Variants in COL23A1 observed in about 807,000 individuals in gnomAD.
The protein encoded by COL23A1 is collagen type XXIII alpha 1 chain.
In COL23A1, 97 loss-of-function variants were observed where a neutral mutation model predicts 99.3. The observed-to-expected ratio is 0.98, with a 90% CI of 0.83 to 1.16. COL23A1 has a LOEUF of 1.16. Among genes scored for constraint, COL23A1 ranks in the 50% most tolerant of loss-of-function variants. COL23A1 has a pLI of 0.00. For missense variants in COL23A1, 762 were observed against 757.4 expected, an observed-to-expected ratio of 1.01 and a Z score of -0.07; for synonymous variants, 320 against 308.2, an observed-to-expected ratio of 1.04 and a Z score of -0.40.
At chr5:178,380,990 G>A (rs933552887) in intron 2 of COL23A1, among the ~76,000 whole-genome samples, 70 of 152,318 alleles carry the variant, frequency 4.6e-4, no homozygotes, top group Non-Finnish European at 2.1e-4. Flanking sequence ...ATTCCGATCC[G>A]TGGCCAGTGC....
At chr5:178,520,399 TCTC>T (rs1759875400) in intron 2 of COL23A1, among the ~76,000 whole-genome samples, 1 of 152,050 alleles carries the variant, frequency 6.6e-6, no homozygotes, top group East Asian at 1.9e-4. Flanking sequence ...TCCTACATGT[TCTC>T]CTCATCACTG....
At chr5:178,499,876 A>G (rs1280844569) in intron 2 of COL23A1, among the ~76,000 whole-genome samples, 1 of 152,260 alleles carries the variant, frequency 6.6e-6, no homozygotes, top group Non-Finnish European at 1.5e-5. Context: ...GACAATAAAA[A>G]AGAACAAATT....
intron 2 of COL23A1, among the ~76,000 whole-genome samples, chr5:178,435,017 G>T (rs1766479689): frequency 6.6e-6 from 1 of 152,224 alleles, no homozygotes; most frequent in Admixed American, 6.5e-5. Flanking sequence ...TCGATTTCCA[G>T]CCAGCACCGG....
At chr5:178,271,192 C>G (rs760943949) in intron 5 of COL23A1, among the ~76,000 whole-genome samples, 9 of 152,208 alleles carry the variant, frequency 5.9e-5, no homozygotes, top group Admixed American at 2.6e-4. Context: ...TCGCCTAGCT[C>G]CCCTCCGTGT....
rs1463887030 is a variant in COL23A1 at position 178,575,992 on chromosome 5, T to A, written c.294+13912A>T. On this transcript the variant is annotated intron_variant, in intron 1 of 28. Coordinates refer to ENST00000390654, the MANE Select transcript of COL23A1 (RefSeq NM_173465.4). Reference sequence around the variant, plus strand: ...TAGTAGCGATGGATAAAAACCCAACTCAAATTGGCCTGGACAGTGATGTCG... The same window carrying A: ...TAGTAGCGATGGATAAAAACCCAACACAAATTGGCCTGGACAGTGATGTCG... Among the ~76,000 whole-genome samples, 5 of 152,144 alleles carry A rather than the reference T, an allele frequency of 3.3e-5. No individual in the cohort carries two copies. The East Asian group carries it at 9.6e-4, about 29-fold the overall frequency.
chr5:178,281,199 TA>T lies in COL23A1; in HGVS notation c.441+7124del, dbSNP rs1470038389. On this transcript the variant is annotated intron_variant, in intron 5 of 28. Coordinates refer to ENST00000390654, the MANE Select transcript of COL23A1 (RefSeq NM_173465.4). The surrounding 1 kb of genome is among the most constrained non-coding windows in gnomAD (Gnocchi z 4.0). ...AAATGAGATGGAGGATGTTGAAATC[TA>T]AAAACAGATGAATTTGGGATATTTC... Among the ~76,000 whole-genome samples, 2 of 152,228 alleles carry T rather than the reference TA, an allele frequency of 1.3e-5. No homozygotes were observed. The highest frequency in any genetic ancestry group is 2.9e-5 in the Non-Finnish European group (2 of 68,030).
intron 2 of COL23A1, among the ~76,000 whole-genome samples, chr5:178,361,665 C>G (rs956570190): frequency 6.6e-6 from 1 of 152,156 alleles, no homozygotes; most frequent in Non-Finnish European, 1.5e-5. Flanking sequence ...TTCCCACCAT[C>G]ACTACCACCC....
At chr5:178,452,157 A>G (rs1239327903) in intron 2 of COL23A1, among the ~76,000 whole-genome samples, 1 of 152,230 alleles carries the variant, frequency 6.6e-6, no homozygotes, top group Non-Finnish European at 1.5e-5. Flanking sequence ...ACACATGAAT[A>G]GACAGATCAA....
At chr5:178,570,167 T>C (rs1763022492) in intron 1 of COL23A1, among the ~76,000 whole-genome samples, 2 of 151,222 alleles carry the variant, frequency 1.3e-5, no homozygotes, top group South Asian at 4.2e-4. Context: ...GGCTGGAGTG[T>C]AGTGGTACCA....
intron 1 of COL23A1, among the ~76,000 whole-genome samples, chr5:178,584,325 C>CAT (rs1383997147): frequency 6.6e-6 from 1 of 150,968 alleles, no homozygotes; most frequent in Non-Finnish European, 1.5e-5. Flanking sequence ...CACACACACA[C>CAT]ACACACACAC....
At chr5:178,244,053 C>T (rs1280578583) in intron 25 of COL23A1, among the ~76,000 whole-genome samples, 1 of 152,210 alleles carries the variant, frequency 6.6e-6, no homozygotes, top group Admixed American at 6.5e-5. Flanking sequence ...GATCTCAGCT[C>T]ATTGCAAGCT....
At chr5:178,564,337 T>C (rs1269264439) in intron 1 of COL23A1, among the ~76,000 whole-genome samples, 1 of 152,020 alleles carries the variant, frequency 6.6e-6, no homozygotes, top group African/African-American at 2.4e-5. Context: ...TCACTTTCTG[T>C]ATCCTGACTA....
At chr5:178,539,493 C>A (rs1187535227) in intron 2 of COL23A1, among the ~76,000 whole-genome samples, 3 of 130,896 alleles carry the variant, frequency 2.3e-5, no homozygotes, top group Non-Finnish European at 3.1e-5. Flanking sequence ...TTGCAGTGAG[C>A]TGAGATTGCG....
Position 178,250,060 on chromosome 5 carries a change from CCTT to C in COL23A1, c.1057_1059del (p.Lys353del), listed in dbSNP as rs776450042. 1.1e-4 allele frequency: 177 copies of C among 1,614,068 alleles called. No individual in the cohort carries two copies. The highest frequency in any genetic ancestry group is 9.9e-4 in the Middle Eastern group (6 of 6,072). On this transcript the variant is annotated inframe_deletion and splice_region_variant, in exon 18 of 29. Coordinates refer to ENST00000390654, the MANE Select transcript of COL23A1 (RefSeq NM_173465.4). ...ACCAAGGAAATGAAAGGCCCAGAGA[CCTT>C]CTCTCCATCGATTCCTGGGGCACCG...
intron 2 of COL23A1, among the ~76,000 whole-genome samples, chr5:178,348,592 C>A (rs565641669): frequency 4.9e-4 from 74 of 152,350 alleles, no homozygotes; most frequent in African/African-American, 1.7e-3. Context: ...AAGTGCCTCA[C>A]GCCCATTTAC....
At chr5:178,367,113 C>G (rs746644384) in intron 2 of COL23A1, among the ~76,000 whole-genome samples, 1 of 152,204 alleles carries the variant, frequency 6.6e-6, no homozygotes, top group Non-Finnish European at 1.5e-5. Flanking sequence ...GTTGCGGTCA[C>G]GTCAGACATT....
At chr5:178,513,837 A>T (rs1759352285) in intron 2 of COL23A1, among the ~76,000 whole-genome samples, 1 of 150,082 alleles carries the variant, frequency 6.7e-6, no homozygotes, top group Admixed American at 6.7e-5. Context: ...CTCCTGCCTA[A>T]CTTTTTCCAT....
At chr5:178,408,998 A>G (rs1172938717) in intron 2 of COL23A1, among the ~76,000 whole-genome samples, 5 of 148,370 alleles carry the variant, frequency 3.4e-5, no homozygotes, top group Admixed American at 6.8e-5. Context: ...ACACACACAC[A>G]CACACACACA....
chr5:178,386,353 C>T (rs1414346911), intron 2 of COL23A1, among the ~76,000 whole-genome samples: 1 of 151,884 alleles, frequency 6.6e-6, no homozygotes, highest in Non-Finnish European at 1.5e-5. Flanking sequence ...GCAGGAGAAT[C>T]GCTTGAACCC....
Sources: gnomAD v4.1 joint callset for allele counts (sites outside exome capture counted in the v4.1 genomes callset) on GRCh38, gnomAD v4.1.1 for gene constraint, Gnocchi (gnomAD v3.1) non-coding constraint, MANE v1.5 for transcripts, NCBI Gene and HGNC (gene_info 2026-07-23, HGNC 2026-07-21) for gene names.